HAPLN1: variants seen among roughly 807,000 people sequenced by gnomAD.
HAPLN1 encodes the protein hyaluronan and proteoglycan link protein 1.
In HAPLN1, 13 loss-of-function variants were observed where a neutral mutation model predicts 36.5. The ratio of observed to expected loss-of-function variants is 0.36; its 90% CI spans 0.23 to 0.57. HAPLN1 has a LOEUF of 0.57. HAPLN1 is among the 20% of genes least tolerant of loss of function. The pLI, the probability that HAPLN1 is intolerant of heterozygous loss-of-function variation, is 0.83. For missense variants in HAPLN1, 407 were observed against 439.7 expected (o/e 0.93, Z 0.66); for synonymous variants, 202 against 169.8 (o/e 1.19, Z -1.48).
intron 1 of HAPLN1, among the ~76,000 whole-genome samples, chr5:83,692,141 A>G (rs1335158823): frequency 6.6e-6 from 1 of 152,040 alleles, no homozygotes; most frequent in Non-Finnish European, 1.5e-5. Context: ...GAGCATCACT[A>G]AACTGTGGGA....
chr5:83,643,830 T>C (rs1160182691), intron 4 of HAPLN1, among the ~76,000 whole-genome samples: 1 of 152,336 alleles, frequency 6.6e-6, no homozygotes, highest in East Asian at 1.9e-4. Flanking sequence ...GAGAGGTGTA[T>C]GAATAAAATG....
At chr5:83,713,804 A>T (rs924454314) in intron 1 of HAPLN1, among the ~76,000 whole-genome samples, 1 of 152,176 alleles carries the variant, frequency 6.6e-6, no homozygotes, top group African/African-American at 2.4e-5. Flanking sequence ...ACATCCAGTC[A>T]ATGCATCCCA....
At chr5:83,705,775 C>T (rs554676776) in intron 1 of HAPLN1, among the ~76,000 whole-genome samples, 1 of 151,880 alleles carries the variant, frequency 6.6e-6, no homozygotes, top group Non-Finnish European at 1.5e-5. Flanking sequence ...AAAAGATAAA[C>T]AAATCCAGGA....
intron 1 of HAPLN1, among the ~76,000 whole-genome samples, chr5:83,680,383 A>G (rs759505990): frequency 6.6e-6 from 1 of 152,204 alleles, no homozygotes; most frequent in African/African-American, 2.4e-5. Context: ...CAGTACATAT[A>G]TATACTAATA....
chr5:83,673,102 T>C (rs1006935087), intron 2 of HAPLN1, among the ~76,000 whole-genome samples: 1 of 152,228 alleles, frequency 6.6e-6, no homozygotes, highest in African/African-American at 2.4e-5. Context: ...CTTCCTATTT[T>C]CTCTCTCTGA....
At chr5:83,696,160 C>T (rs1258353766) in intron 1 of HAPLN1, among the ~76,000 whole-genome samples, 2 of 151,852 alleles carry the variant, frequency 1.3e-5, no homozygotes, top group Non-Finnish European at 2.9e-5. Flanking sequence ...TTAAAGAATA[C>T]CATATACCAA....
intron 3 of HAPLN1, among the ~76,000 whole-genome samples, chr5:83,648,400 T>C (rs1418142961): frequency 8.6e-5 from 4 of 46,570 alleles, no homozygotes; most frequent in African/African-American, 3.0e-4. Flanking sequence ...TTTGACTATA[T>C]ATATATATAT....
intron 1 of HAPLN1, among the ~76,000 whole-genome samples, chr5:83,685,219 A>C (rs1405729990): frequency 3.9e-5 from 6 of 152,350 alleles, no homozygotes; most frequent in African/African-American, 1.4e-4. Flanking sequence ...TGCATGTGTA[A>C]CTACTAGAAT....
At chr5:83,684,009 A>G (rs1751063766) in intron 1 of HAPLN1, among the ~76,000 whole-genome samples, 1 of 152,096 alleles carries the variant, frequency 6.6e-6, no homozygotes, top group Non-Finnish European at 1.5e-5. Flanking sequence ...AGGGGGCAGA[A>G]GGAGGAGGAA....
At chr5:83,707,846 G>C (rs1370494940) in intron 1 of HAPLN1, among the ~76,000 whole-genome samples, 1 of 151,794 alleles carries the variant, frequency 6.6e-6, no homozygotes, top group Non-Finnish European at 1.5e-5. Context: ...AAGAACTTAA[G>C]CAAATTTACA....
intron 1 of HAPLN1, chr5:83,703,504 C>T (rs1419100488): frequency 6.6e-6 from 1 of 151,990 alleles, no homozygotes; most frequent in East Asian, 1.9e-4. Context: ...GGCCCCTGCG[C>T]AAGGATGACA....
In HAPLN1 at chr5:83,641,356, T is replaced by C; in HGVS notation, c.*140A>G. 1 of 607,594 alleles carries C rather than the reference T, an allele frequency of 1.6e-6. No homozygotes were observed. Among genetic ancestry groups the C allele is most frequent in the Non-Finnish European group, 2.7e-6 (1 of 365,100 alleles). The allele number at this position is 607,594 out of a possible 1,614,324, so 37.6% of individuals were successfully genotyped here. Reference sequence around the variant, plus strand: ...TACAAAAAACAAATCAATGAATTGATCTTTATGAAAATGACTCTTTACAGT... The same window carrying C: ...TACAAAAAACAAATCAATGAATTGACCTTTATGAAAATGACTCTTTACAGT... On this transcript the variant is annotated 3_prime_UTR_variant, in exon 5 of 5. Transcript: ENST00000274341.
intron 4 of HAPLN1, among the ~76,000 whole-genome samples, chr5:83,643,218 A>G (rs1749754623): frequency 6.6e-6 from 1 of 151,914 alleles, no homozygotes; most frequent in Non-Finnish European, 1.5e-5. Context: ...GCGTGGTGGC[A>G]TGCACCATGG....
At chr5:83,712,884 CAA>C (rs201001436) in intron 1 of HAPLN1, among the ~76,000 whole-genome samples, 1 of 100,388 alleles carries the variant, frequency 1.0e-5, no homozygotes, top group Non-Finnish European at 2.1e-5. Flanking sequence ...AGAACCTGGA[CAA>C]AAAAAAAAAA....
chr5:83,663,249 A>G (rs1750460221), intron 2 of HAPLN1, among the ~76,000 whole-genome samples: 1 of 152,246 alleles, frequency 6.6e-6, no homozygotes, highest in Non-Finnish European at 1.5e-5. Flanking sequence ...AACAGAGGCT[A>G]GAAATACATT....
At chr5:83,674,176 A>T (rs1199092628) in intron 1 of HAPLN1, 1 of 152,304 alleles carries the variant, frequency 6.6e-6, no homozygotes, top group Non-Finnish European at 1.5e-5. Flanking sequence ...GTTGAAAATT[A>T]TGAACAAACT....
intron 1 of HAPLN1, among the ~76,000 whole-genome samples, chr5:83,708,139 C>G (rs552565600): frequency 6.6e-6 from 1 of 152,172 alleles, no homozygotes; most frequent in African/African-American, 2.4e-5. Flanking sequence ...TCAAACATTG[C>G]GGAAAGCAGT....
intron 1 of HAPLN1, among the ~76,000 whole-genome samples, chr5:83,716,602 G>A (rs1003037963): frequency 2.0e-5 from 3 of 152,326 alleles, no homozygotes; most frequent in African/African-American, 7.2e-5. Context: ...AAGTTATTAT[G>A]TGGAGCAAAG....
At chr5:83,706,654 C>G (rs1751660604) in intron 1 of HAPLN1, among the ~76,000 whole-genome samples, 1 of 152,078 alleles carries the variant, frequency 6.6e-6, no homozygotes, top group Non-Finnish European at 1.5e-5. Flanking sequence ...GGAAGCATTC[C>G]CTTTGAAAAC....
Sources: gnomAD v4.1 joint callset for allele counts (sites outside exome capture counted in the v4.1 genomes callset) on GRCh38, gnomAD v4.1.1 for gene constraint, MANE v1.5 for transcripts, NCBI Gene and HGNC (gene_info 2026-07-23, HGNC 2026-07-21) for gene names.